The following ITCH variants were observed in gnomAD, a reference collection of about 807,000 sequenced individuals.
ITCH encodes the protein itchy E3 ubiquitin protein ligase, also known as E3 ubiquitin-protein ligase Itchy homolog.
A neutral mutation model predicts 126.8 loss-of-function variants in ITCH; 28 were observed. That is an observed-to-expected ratio of 0.22 (90% CI 0.16 to 0.30). ITCH has a LOEUF of 0.30. Ranked by LOEUF, ITCH falls within the 10% of genes least tolerant of loss-of-function variation. The pLI is 1.00. For missense variants in ITCH, 631 were observed against 1,032.4 expected (o/e 0.61, Z 5.33); for synonymous variants, 342 against 340.0 (o/e 1.01, Z -0.06).
chr20:34,420,700 G>A (rs925220237), intron 6 of ITCH, among the ~76,000 whole-genome samples: 2 of 151,860 alleles, frequency 1.3e-5, no homozygotes, highest in African/African-American at 4.8e-5. Flanking sequence ...TTCTCCATTT[G>A]ATAATTCCAG....
chr20:34,394,622 A>G (rs1352594680), intron 3 of ITCH, among the ~76,000 whole-genome samples: 2 of 152,146 alleles, frequency 1.3e-5, no homozygotes, highest in African/African-American at 4.8e-5. Context: ...GGCTTAAATG[A>G]TCCTCCCACT....
At chr20:34,453,948 C>T (rs1405107286) in intron 12 of ITCH, among the ~76,000 whole-genome samples, 2 of 150,516 alleles carry the variant, frequency 1.3e-5, no homozygotes, top group Non-Finnish European at 3.0e-5. Context: ...GAGCTGAGAT[C>T]GCGCCACTGC....
chr20:34,488,063 T>G (rs1225912250), intron 20 of ITCH, among the ~76,000 whole-genome samples: 5 of 152,234 alleles, frequency 3.3e-5, no homozygotes, highest in Non-Finnish European at 7.3e-5. Context: ...CTGTTATTCT[T>G]GCTTTAATTT....
At chr20:34,380,652 A>G (rs2146019188) in intron 2 of ITCH, among the ~76,000 whole-genome samples, 1 of 113,046 alleles carries the variant, frequency 8.8e-6, no homozygotes, top group South Asian at 2.7e-4. Flanking sequence ...GGGGTCTTGC[A>G]TTGTTGCCCA....
chr20:34,394,953 C>T (rs1273479273), intron 3 of ITCH, among the ~76,000 whole-genome samples: 4 of 152,080 alleles, frequency 2.6e-5, no homozygotes, highest in Non-Finnish European at 5.9e-5. Flanking sequence ...TTCAGTCAGC[C>T]AGGCACGGTG....
chr20:34,379,311 A>G (rs1166632822), intron 2 of ITCH, among the ~76,000 whole-genome samples: 1 of 152,104 alleles, frequency 6.6e-6, no homozygotes, highest in African/African-American at 2.4e-5. Flanking sequence ...TCCTAGTTTT[A>G]TTTTTATTGT....
At chr20:34,431,603 A>G (rs1394453482) in intron 7 of ITCH, among the ~76,000 whole-genome samples, 1 of 152,212 alleles carries the variant, frequency 6.6e-6, no homozygotes, top group South Asian at 2.1e-4. Flanking sequence ...GGAGAAAGAA[A>G]AGGAGAACAA....
intron 3 of ITCH, among the ~76,000 whole-genome samples, chr20:34,400,002 G>C (rs991165465): frequency 6.6e-6 from 1 of 151,754 alleles, no homozygotes; most frequent in Non-Finnish European, 1.5e-5. Context: ...GTGGTGGCGT[G>C]ATCTTGGCTC....
chr20:34,470,296 CTT>C (rs1297331018), intron 15 of ITCH, among the ~76,000 whole-genome samples, 176 bp downstream of exon 15: 1 of 152,026 alleles, frequency 6.6e-6, no homozygotes, highest in Non-Finnish European at 1.5e-5. Flanking sequence ...TCATTTGTGA[CTT>C]TGGTTATTCA....
At chr20:34,456,184 G>GTGTATATA (rs1222199512) in intron 12 of ITCH, among the ~76,000 whole-genome samples, 4 of 47,244 alleles carry the variant, frequency 8.5e-5, no homozygotes, top group African/African-American at 1.3e-4. Flanking sequence ...GTGTGTGTGT[G>GTGTATATA]TATATATATA....
chr20:34,471,261 TTAA>T (rs995447396), intron 15 of ITCH, among the ~76,000 whole-genome samples, 180 bp from the exon 16 acceptor site: 1 of 152,236 alleles, frequency 6.6e-6, no homozygotes, highest in African/African-American at 2.4e-5. Context: ...TTTGCATATA[TTAA>T]TCTGTAATTA....
intron 2 of ITCH, among the ~76,000 whole-genome samples, chr20:34,391,979 G>C (rs1180511826): frequency 1.3e-5 from 2 of 152,180 alleles, no homozygotes; most frequent in African/African-American, 4.8e-5. Flanking sequence ...ATGAGCGACT[G>C]TTGATGGAGA....
intron 3 of ITCH, chr20:34,402,651 TA>T: frequency 3.5e-6 from 2 of 574,058 alleles, no homozygotes; most frequent in Non-Finnish European, 6.6e-6. Context: ...TGTGTTGTTT[TA>T]CCAACAGCAC....
chr20:34,455,850 G>A (rs922261420), intron 12 of ITCH, among the ~76,000 whole-genome samples: 4 of 151,800 alleles, frequency 2.6e-5, no homozygotes, highest in African/African-American at 4.8e-5. Flanking sequence ...CTGGGAACAC[G>A]AAAACAGGGA....
chr20:34,485,746 G>A (rs140277062), intron 20 of ITCH, among the ~76,000 whole-genome samples: 8 of 152,100 alleles, frequency 5.3e-5, no homozygotes, highest in Non-Finnish European at 1.0e-4. Flanking sequence ...ACAGTGGCAC[G>A]ATCAGAGCTC....
intron 20 of ITCH, among the ~76,000 whole-genome samples, chr20:34,486,140 A>G (rs1989095298): frequency 6.6e-6 from 1 of 151,692 alleles, no homozygotes. Context: ...TCAGCCTTCC[A>G]GGTAGCTGGA....
chr20:34,377,014 A>G (rs1173882667), intron 2 of ITCH, among the ~76,000 whole-genome samples: 2 of 152,170 alleles, frequency 1.3e-5, no homozygotes, highest in South Asian at 2.1e-4. Flanking sequence ...CTCAGTCCCA[A>G]CAGTGTCCTT....
rs375153727 is a variant in ITCH at position 34,425,953 on chromosome 20, C to T, written c.521+1428C>T. On this transcript the variant is annotated intron_variant, in intron 7 of 24. Coordinates refer to ENST00000374864, the MANE Select transcript of ITCH (RefSeq NM_031483.7). Reference sequence around the variant, plus strand: ...TTCTCAGTCTCTCGTCTCCACCTGACGAGAAATACCCACAGGTATGGAGGG... The same window carrying T: ...TTCTCAGTCTCTCGTCTCCACCTGATGAGAAATACCCACAGGTATGGAGGG... Among the ~76,000 whole-genome samples, 193 of 152,288 alleles carry T rather than the reference C, an allele frequency of 1.3e-3. 1 individual carries two copies. The highest frequency in any genetic ancestry group is 4.5e-3 in the African/African-American group (188 of 41,568).
intron 11 of ITCH, among the ~76,000 whole-genome samples, chr20:34,447,331 A>G (rs1192803977): frequency 6.6e-6 from 1 of 152,206 alleles, no homozygotes; most frequent in African/African-American, 2.4e-5. Context: ...TTTAGTTAAC[A>G]TAGCCAAAGA....
Sources: allele counts gnomAD v4.1 joint callset (sites outside exome capture counted in the v4.1 genomes callset), GRCh38; gene constraint gnomAD v4.1.1; transcripts MANE v1.5; gene names NCBI Gene and HGNC (gene_info 2026-07-23, HGNC 2026-07-21).